Variants in GSE1 observed in about 807,000 individuals in gnomAD.
The protein encoded by GSE1 is genetic suppressor element 1.
In GSE1, 32 loss-of-function variants were observed where a neutral mutation model predicts 112.6. The ratio of observed to expected loss-of-function variants is 0.28; its 90% CI spans 0.21 to 0.38. The LOEUF (loss-of-function observed/expected upper bound fraction) is 0.38. GSE1 is among the 10% of genes least tolerant of loss of function. The pLI, the probability that GSE1 is intolerant of heterozygous loss-of-function variation, is 1.00. For synonymous variants in GSE1, 1,115 were observed against 735.6 expected, an observed-to-expected ratio of 1.52 and a Z score of -8.35; for missense variants, 2,348 against 1,699.2, an observed-to-expected ratio of 1.38 and a Z score of -6.71.
Position 85,457,469 on chromosome 16 carries a change from C to T in GSE1, c.2464+99826C>T, listed in dbSNP as rs558442501. Among the ~76,000 whole-genome samples the T allele has an allele frequency of 1.6e-4, 24 of 152,332 alleles. No individual in the cohort carries two copies. In the South Asian group the frequency reaches 1.7e-3, roughly 11 times the overall value. On this transcript the variant is annotated intron_variant, in intron 2 of 2. Transcript: ENST00000637419. ...ACAGATCATCCTGGGTTTCTCTGTC[C>T]GGTAGGGTTGGCACAGCAGGCTTCA...
At chr16:85,638,521 G>T (rs962897247) in intron 2 of GSE1, among the ~76,000 whole-genome samples, 1 of 152,324 alleles carries the variant, frequency 6.6e-6, no homozygotes, top group African/African-American at 2.4e-5. Flanking sequence ...TTGCCTCTCT[G>T]AGCTTCCACT....
At chr16:85,332,902 C>T (rs1368146870) in intron 1 of GSE1, among the ~76,000 whole-genome samples, 2 of 152,204 alleles carry the variant, frequency 1.3e-5, no homozygotes, top group East Asian at 1.9e-4. Flanking sequence ...TCAGAACCCC[C>T]CTTTATCCCC....
intron 2 of GSE1, among the ~76,000 whole-genome samples, chr16:85,410,172 CTGG>C (rs2151706353): frequency 2.7e-5 from 1 of 37,734 alleles, no homozygotes; most frequent in Non-Finnish European, 4.7e-5. Flanking sequence ...CAGGGCCCCC[CTGG>C]ATAATCCTCA....
chr16:85,584,088 G>A (rs1012164220), intron 1 of GSE1, among the ~76,000 whole-genome samples: 1 of 152,186 alleles, frequency 6.6e-6, no homozygotes, highest in Non-Finnish European at 1.5e-5. Flanking sequence ...GCATGGGGAC[G>A]GGGACACAGG....
intron 13 of GSE1, 63 bp downstream of exon 13, chr16:85,666,410 A>G (rs1309690611): frequency 1.9e-6 from 3 of 1,551,588 alleles, no homozygotes; most frequent in Non-Finnish European, 2.7e-6. Flanking sequence ...AAAGTTGCTG[A>G]GCGCCACAGC....
At chr16:85,541,743 G>C (rs2044526087) in intron 2 of GSE1, among the ~76,000 whole-genome samples, 1 of 152,234 alleles carries the variant, frequency 6.6e-6, no homozygotes, top group South Asian at 2.1e-4. Context: ...GCAGTACAGG[G>C]GGAAGGGGCC....
chr16:85,248,912 T>A (rs1906156472), intron 1 of GSE1, among the ~76,000 whole-genome samples: 1 of 152,156 alleles, frequency 6.6e-6, no homozygotes, highest in Non-Finnish European at 1.5e-5. Context: ...GTGGAGTTAG[T>A]GCTCAACTGG....
At chr16:85,648,461 CA>C in intron 2 of GSE1, 90 bp from the exon 3 acceptor site, 1 of 663,938 alleles carries the variant, frequency 1.5e-6, no homozygotes, top group South Asian at 1.9e-5. Flanking sequence ...TCACTTGGAG[CA>C]GGGGGGCAGC....
Position 85,661,284 on chromosome 16 carries a change from C to A in GSE1, c.1779C>A (p.Asn593Lys), listed in dbSNP as rs2052406969. ...GGAACCCCGTGTCCCTGATGGACAA[C>A]ACCTTGGAGACGCGGCGGGCCGAAA... ...ALWNPVSLMD[N>K]TLETRRAESH... The change falls in exon 9 of 16, where the codon AAC becomes AAA. Residue 593 changes from asparagine (N) to lysine (K), a missense_variant. Coordinates refer to ENST00000253458, the MANE Select transcript of GSE1 (RefSeq NM_014615.5). 19 of 1,612,952 alleles carry A rather than the reference C, an allele frequency of 1.2e-5. No individual in the cohort carries two copies. Among genetic ancestry groups the A allele is most frequent in the Non-Finnish European group, 1.5e-5 (18 of 1,179,994 alleles).
At chr16:85,217,891 CAG>C (rs1190821552) in intron 1 of GSE1, among the ~76,000 whole-genome samples, 8 of 152,048 alleles carry the variant, frequency 5.3e-5, no homozygotes, top group Admixed American at 5.2e-4. Context: ...TTTTTTCCAA[CAG>C]AAATTTATTT....
chr16:85,416,458 T>C (rs774132397), intron 2 of GSE1, among the ~76,000 whole-genome samples: 1 of 150,338 alleles, frequency 6.7e-6, no homozygotes, highest in Non-Finnish European at 1.5e-5. Flanking sequence ...CAGGTGGGAG[T>C]CCACCGGGCG....
rs938766414 is a variant in GSE1, at chr16:85,374,549, C to T, written c.2464+16906C>T. On this transcript the variant is annotated intron_variant, in intron 2 of 2. Coordinates refer to the GSE1 transcript ENST00000637419. ...GCGTGTGTGTGTGTGTGTGTGCGCG[C>T]GCGCGTGCACAGGTAGCTCCTAGCG... Among the ~76,000 whole-genome samples the T allele has an allele frequency of 3.0e-4, 45 of 151,328 alleles. No homozygotes were observed. The South Asian group carries it at 3.1e-3, about 11-fold the overall frequency.
intron 2 of GSE1, among the ~76,000 whole-genome samples, chr16:85,364,098 G>A (rs187031789): frequency 9.8e-5 from 15 of 152,312 alleles, no homozygotes; most frequent in African/African-American, 3.1e-4. Flanking sequence ...CAAAAATCCC[G>A]ATGTGGGCAG....
intron 1 of GSE1, among the ~76,000 whole-genome samples, chr16:85,308,121 G>A (rs1037969035): frequency 1.5e-4 from 23 of 152,328 alleles, no homozygotes; most frequent in African/African-American, 4.6e-4. Context: ...AGAAGACTCC[G>A]AGTAAGTGTC....
At chr16:85,220,625 TGCTGCCC>T in intron 1 of GSE1, among the ~76,000 whole-genome samples, 1 of 89,274 alleles carries the variant, frequency 1.1e-5, no homozygotes, top group African/African-American at 3.7e-5. Flanking sequence ...GCCTGCCCGC[TGCTGCCC>T]GCTGCTGCCC....
At chr16:85,170,476 A>T in exon 1 of GSE1, 1 of 985,520 alleles carries the variant, frequency 1.0e-6, no homozygotes, top group Non-Finnish European at 1.2e-6. Context: ...GGGCTTCTGC[A>T]CCTCCGAGGA....
chr16:85,669,084 T>C (rs736845), intron 14 of GSE1, among the ~76,000 whole-genome samples: 108,639 of 152,226 alleles, frequency 0.71, 38,865 homozygotes, highest in East Asian at 0.92. Context: ...AAGTTGGGCG[T>C]TGCAGCATTT....
intron 1 of GSE1, among the ~76,000 whole-genome samples, chr16:85,269,382 C>T (rs1035072557): frequency 6.7e-6 from 1 of 149,454 alleles, no homozygotes; most frequent in African/African-American, 2.4e-5. Context: ...CAGACCGTGG[C>T]AGGCTGTCAT....
Position 85,663,601 on chromosome 16 carries a change from T to C in GSE1, c.2631T>C (p.Ala877=), listed in dbSNP as rs1400737946. Residue 877 remains alanine, a synonymous_variant, in exon 11 of 16, where the codon GCT becomes GCC. Coordinates refer to ENST00000253458, the MANE Select transcript of GSE1 (RefSeq NM_014615.5). ...TCTTCAACCTGACCCACATCAGCGCTGAGAAGAGGAAAGGTAGGGCCTCGC... is the reference window on the plus strand; with the variant it reads ...TCTTCAACCTGACCCACATCAGCGCCGAGAAGAGGAAAGGTAGGGCCTCGC... The part of the protein sequence containing the change: ...LTIFNLTHIS[A]EKRKDKERLV... 3 of 1,612,512 alleles carry C rather than the reference T, an allele frequency of 1.9e-6. No individual in the cohort carries two copies. Among genetic ancestry groups the C allele is most frequent in the East Asian group, 2.2e-5 (1 of 44,848 alleles).
Sources: allele counts gnomAD v4.1 joint callset (sites outside exome capture counted in the v4.1 genomes callset), GRCh38; gene constraint gnomAD v4.1.1; transcripts MANE v1.5; gene names NCBI Gene and HGNC (gene_info 2026-07-23, HGNC 2026-07-21).